ERBB4: variants seen among roughly 807,000 people sequenced by gnomAD.
ERBB4 encodes receptor tyrosine-protein kinase erbB-4.
In ERBB4, 42 loss-of-function variants were observed where a neutral mutation model predicts 158.0. The observed-to-expected ratio is 0.27, with a 90% CI of 0.21 to 0.34. The LOEUF is 0.34. ERBB4 is among the 10% of genes least tolerant of loss of function. The pLI is 1.00. For synonymous variants in ERBB4, 583 were observed against 558.7 expected, an observed-to-expected ratio of 1.04 and a Z score of -0.61; for missense variants, 1,333 against 1,624.1, an observed-to-expected ratio of 0.82 and a Z score of 3.08.
intron 1 of ERBB4, among the ~76,000 whole-genome samples, chr2:212,196,399 C>A (rs2082428163): frequency 6.6e-6 from 1 of 151,784 alleles, no homozygotes; most frequent in South Asian, 2.1e-4. Flanking sequence ...ATTGGTCTTG[C>A]CCTCTTAGGG....
At chr2:211,822,937 T>A (rs1249558029) in intron 3 of ERBB4, among the ~76,000 whole-genome samples, 1 of 151,956 alleles carries the variant, frequency 6.6e-6, no homozygotes, top group Admixed American at 6.6e-5. Flanking sequence ...TAGAGCTTAA[T>A]AGGCATCGTG....
intron 2 of ERBB4, among the ~76,000 whole-genome samples, chr2:212,033,293 T>C (rs1312385235): frequency 6.6e-6 from 1 of 151,970 alleles, no homozygotes; most frequent in Non-Finnish European, 1.5e-5. Context: ...TGGAGGACCC[T>C]TGGGATCTCA....
chr2:212,409,249 C>A (rs988002933), intron 1 of ERBB4, among the ~76,000 whole-genome samples: 2 of 152,080 alleles, frequency 1.3e-5, no homozygotes, highest in Non-Finnish European at 2.9e-5. Context: ...CCCTTCTCTA[C>A]CTACTTGTCC....
chr2:212,522,823 AG>A (rs1363163848), intron 1 of ERBB4, among the ~76,000 whole-genome samples: 1 of 151,994 alleles, frequency 6.6e-6, no homozygotes, highest in Non-Finnish European at 1.5e-5. Flanking sequence ...TATCTATGAC[AG>A]AGGATTAATA....
At chr2:212,243,184 C>A (rs1467480730) in intron 1 of ERBB4, among the ~76,000 whole-genome samples, 1 of 152,104 alleles carries the variant, frequency 6.6e-6, no homozygotes, top group Non-Finnish European at 1.5e-5. Context: ...AATGTTGTTT[C>A]ATTTTTTTAA....
intron 1 of ERBB4, among the ~76,000 whole-genome samples, chr2:212,477,405 A>C (rs947001208): frequency 7.9e-5 from 12 of 152,272 alleles, no homozygotes; most frequent in African/African-American, 2.9e-4. Context: ...CTGACTGAAA[A>C]GTAGACATGG....
intron 19 of ERBB4, among the ~76,000 whole-genome samples, chr2:211,576,915 A>G (rs889302635): frequency 1.3e-5 from 2 of 152,170 alleles, no homozygotes; most frequent in Admixed American, 6.5e-5. Flanking sequence ...TAACACTGGT[A>G]GGGTTGTACC....
intron 1 of ERBB4, among the ~76,000 whole-genome samples, chr2:212,237,360 G>A (rs1456385235): frequency 2.0e-5 from 3 of 152,144 alleles, no homozygotes; most frequent in East Asian, 1.9e-4. Flanking sequence ...GCTGGAATTT[G>A]CTGGAGGTCC....
intron 20 of ERBB4, among the ~76,000 whole-genome samples, chr2:211,542,015 T>C (rs748192550): frequency 6.6e-6 from 1 of 151,824 alleles, no homozygotes; most frequent in Non-Finnish European, 1.5e-5. Context: ...ATTTTTTTTA[T>C]TGTTATTGAT....
chr2:211,797,748 GAGT>G (rs2076412356), intron 3 of ERBB4, among the ~76,000 whole-genome samples: 1 of 151,718 alleles, frequency 6.6e-6, no homozygotes, highest in African/African-American at 2.4e-5. Flanking sequence ...ATTAAAGAAG[GAGT>G]CATAAAATAA....
At position 212,097,142 on chromosome 2, in the gene ERBB4, A is replaced by G. The variant is rs540061286; in HGVS notation, c.234+27610T>C. The stretch of plus-strand genomic sequence containing the variant: ...GAGATGAAAGATAAATGTTGTTCCC[A>G]TAAGATAATCAAAGTGTAGAGACTG... On this transcript the variant is annotated intron_variant, in intron 2 of 27. Transcript: ENST00000342788. Among the ~76,000 whole-genome samples, 30 of 152,284 alleles carry G rather than the reference A, an allele frequency of 2.0e-4. 1 individual carries two copies. The South Asian group carries it at 6.2e-3, about 32-fold the overall frequency.
At chr2:212,055,661 C>T (rs182229109) in intron 2 of ERBB4, among the ~76,000 whole-genome samples, 15 of 152,204 alleles carry the variant, frequency 9.9e-5, no homozygotes, top group African/African-American at 3.1e-4. Flanking sequence ...GATACCCAGG[C>T]GAACAGGATT....
intron 20 of ERBB4, among the ~76,000 whole-genome samples, chr2:211,555,750 A>G (rs572186996): frequency 1.1e-3 from 162 of 152,256 alleles, no homozygotes; most frequent in African/African-American, 3.7e-3. Context: ...GAGAAATAAG[A>G]TCTTTTTCAG....
At chr2:211,858,792 A>T (rs1415602053) in intron 3 of ERBB4, among the ~76,000 whole-genome samples, 3 of 151,800 alleles carry the variant, frequency 2.0e-5, no homozygotes, top group African/African-American at 4.8e-5. Flanking sequence ...TTATTTATTC[A>T]TTTTTTTTGA....
chr2:211,513,363 A>AT (rs2065933725), intron 20 of ERBB4, among the ~76,000 whole-genome samples: 1 of 133,410 alleles, frequency 7.5e-6, no homozygotes, highest in Admixed American at 7.1e-5. Flanking sequence ...GTCTCAAAAA[A>AT]AAAAAAAAAA....
intron 13 of ERBB4, among the ~76,000 whole-genome samples, chr2:211,676,590 G>C (rs1410127859): frequency 6.6e-6 from 1 of 151,952 alleles, no homozygotes; most frequent in Non-Finnish European, 1.5e-5. Context: ...AAAAAATCAA[G>C]ATGAAAAATC....
chr2:211,440,399 AC>A (rs55913170), intron 20 of ERBB4, among the ~76,000 whole-genome samples: 37,631 of 152,110 alleles, frequency 0.25, 5,235 homozygotes, highest in South Asian at 0.5. Flanking sequence ...GAAGTGTGCA[AC>A]CTATTAATAC....
At chr2:212,478,955 C>G (rs1189526983) in intron 1 of ERBB4, among the ~76,000 whole-genome samples, 1 of 152,128 alleles carries the variant, frequency 6.6e-6, no homozygotes, top group Non-Finnish European at 1.5e-5. Flanking sequence ...TCTAACTGCA[C>G]CCTAAATTTC....
intron 20 of ERBB4, among the ~76,000 whole-genome samples, chr2:211,555,451 C>T (rs930438109): frequency 1.3e-5 from 2 of 152,178 alleles, no homozygotes; most frequent in Non-Finnish European, 2.9e-5. Flanking sequence ...TCCCAAAGTG[C>T]TGGGATTACA....
Sources: gnomAD v4.1 joint callset for allele counts (sites outside exome capture counted in the v4.1 genomes callset) on GRCh38, gnomAD v4.1.1 for gene constraint, MANE v1.5 for transcripts, NCBI Gene and HGNC (gene_info 2026-07-23, HGNC 2026-07-21) for gene names.